Variants in SLC30A8 observed in about 807,000 individuals in gnomAD.
The protein encoded by SLC30A8 is proton-coupled zinc antiporter SLC30A8.
A neutral mutation model predicts 36.9 loss-of-function variants in SLC30A8; 27 were observed. That is an observed-to-expected ratio of 0.73 (90% CI 0.54 to 1.01). SLC30A8 has a LOEUF of 1.01. SLC30A8 is among the 50% of genes least tolerant of loss of function. SLC30A8 has a pLI of 0.00. For missense variants in SLC30A8, 439 were observed against 452.0 expected, an observed-to-expected ratio of 0.97 and a Z score of 0.26; for synonymous variants, 164 against 172.4, an observed-to-expected ratio of 0.95 and a Z score of 0.38.
Position 117,163,412 on chromosome 8 carries a change from T to G in SLC30A8, c.724-13T>G, listed in dbSNP as rs759693782. 21 of 1,585,362 alleles carry G rather than the reference T, an allele frequency of 1.3e-5. No homozygotes were observed. In the Admixed American group the frequency reaches 2.1e-4, roughly 16 times the overall value. Reference sequence around the variant, plus strand: ...TGAATTCAGTTAACCAAAATCCCTGTTTTTTTTTCTAGCCAGAGTATAAAA... The same window carrying G: ...TGAATTCAGTTAACCAAAATCCCTGGTTTTTTTTCTAGCCAGAGTATAAAA... On this transcript the variant is annotated splice_polypyrimidine_tract_variant and intron_variant, in intron 5 of 7. Coordinates refer to ENST00000456015, the MANE Select transcript of SLC30A8 (RefSeq NM_173851.3).
At chr8:116,956,081 G>A (rs1223349066) in intron 1 of SLC30A8, among the ~76,000 whole-genome samples, 2 of 152,190 alleles carry the variant, frequency 1.3e-5, no homozygotes, top group African/African-American at 4.8e-5. Context: ...ATGTACAGCA[G>A]CCCAGGATTA....
chr8:117,116,213 G>C (rs188285092), intron 2 of SLC30A8, among the ~76,000 whole-genome samples: 57 of 152,124 alleles, frequency 3.7e-4, no homozygotes, highest in Admixed American at 5.9e-4. Context: ...ATGGCAAGGC[G>C]TTTGAATTTT....
At chr8:117,147,994 CT>C (rs1048722149) in intron 2 of SLC30A8, among the ~76,000 whole-genome samples, 2 of 151,946 alleles carry the variant, frequency 1.3e-5, no homozygotes, top group African/African-American at 4.8e-5. Flanking sequence ...ATATTGATCT[CT>C]GGGAGCTCTT....
At chr8:117,100,201 A>G (rs562398747) in intron 2 of SLC30A8, among the ~76,000 whole-genome samples, 2 of 152,300 alleles carry the variant, frequency 1.3e-5, no homozygotes, top group Admixed American at 6.5e-5. Flanking sequence ...CATATATATC[A>G]TTTAGTATTT....
intron 1 of SLC30A8, among the ~76,000 whole-genome samples, chr8:117,012,806 A>G (rs1210370703): frequency 1.3e-5 from 2 of 151,192 alleles, no homozygotes; most frequent in Admixed American, 1.3e-4. Context: ...CAGTCAGCAT[A>G]TATTTCTTAT....
chr8:117,167,615 T>TTTATATTAGCACATACATAGATATACCC (rs1823131480), intron 6 of SLC30A8, among the ~76,000 whole-genome samples: 2 of 152,078 alleles, frequency 1.3e-5, no homozygotes, highest in Non-Finnish European at 1.5e-5. Context: ...TTGGAGATCT[T>TTTATATTAGCACATACATAGATATACCC]TTATATTAGC....
chr8:117,024,077 G>A (rs1315724375), intron 1 of SLC30A8, among the ~76,000 whole-genome samples: 1 of 152,134 alleles, frequency 6.6e-6, no homozygotes, highest in Non-Finnish European at 1.5e-5. Context: ...CCTTACTCAT[G>A]GTTGGATGTC....
chr8:117,078,539 GACATTCCTC>G, intron 2 of SLC30A8, among the ~76,000 whole-genome samples: 1 of 151,772 alleles, frequency 6.6e-6, no homozygotes, highest in African/African-American at 2.4e-5. Context: ...TTAAAACCAT[GACATTCCTC>G]TCTTACACTC....
chr8:116,957,537 C>T (rs1409213053), intron 1 of SLC30A8, among the ~76,000 whole-genome samples: 2 of 152,168 alleles, frequency 1.3e-5, no homozygotes, highest in African/African-American at 2.4e-5. Flanking sequence ...TCCCGAAGTG[C>T]TGGGATTACA....
chr8:117,111,622 T>C (rs1295033207), intron 2 of SLC30A8, among the ~76,000 whole-genome samples: 2 of 152,128 alleles, frequency 1.3e-5, no homozygotes, highest in East Asian at 3.9e-4. Flanking sequence ...TATGGGACTT[T>C]TTTTTTCTTT....
chr8:117,093,938 G>C (rs1232145706), intron 2 of SLC30A8, among the ~76,000 whole-genome samples: 1 of 152,250 alleles, frequency 6.6e-6, no homozygotes, highest in Non-Finnish European at 1.5e-5. Context: ...CTGGGGCAGG[G>C]TGGGCAGCTC....
rs190903116 is a variant in SLC30A8, at chr8:117,074,656, T to G, written c.-226+35398T>G. ...TGCTCGATATCTCCTTAAATGTAAT[T>G]AAAGGCACATCAGTTCAGTATGTCT... On this transcript the variant is annotated intron_variant, in intron 2 of 10. Transcript: ENST00000427715. Among the ~76,000 whole-genome samples the G allele has an allele frequency of 2.0e-5, 3 of 152,338 alleles. No individual in the cohort carries two copies. The East Asian group carries it at 5.8e-4, about 29-fold the overall frequency.
intron 1 of SLC30A8, among the ~76,000 whole-genome samples, chr8:116,957,375 CT>C (rs1207007999): frequency 6.6e-6 from 1 of 151,966 alleles, no homozygotes; most frequent in African/African-American, 2.4e-5. Context: ...GGTTCAAGCG[CT>C]TTTTCTGTCT....
intron 2 of SLC30A8, among the ~76,000 whole-genome samples, chr8:117,081,823 A>C (rs1021677313): frequency 2.0e-5 from 3 of 152,210 alleles, no homozygotes; most frequent in Admixed American, 6.5e-5. Context: ...GTGGCCAGCT[A>C]TCTGTTTGTG....
In SLC30A8 at chr8:117,054,348, G is replaced by T. The variant is rs370764055; in HGVS notation, c.-226+15090G>T. ...ACTGCTGGGTTCGAGCAATCCCCTT[G>T]TCTCAGCTTCTCAAAGTGCTGGGAT... On this transcript the variant is annotated intron_variant, in intron 2 of 10. Coordinates refer to the SLC30A8 transcript ENST00000427715. Among the ~76,000 whole-genome samples the T allele has an allele frequency of 2.4e-4, 37 of 152,190 alleles. No homozygotes were observed. The South Asian group carries it at 6.8e-3, about 28-fold the overall frequency.
intron 1 of SLC30A8, among the ~76,000 whole-genome samples, chr8:116,970,970 C>T (rs981058535): frequency 1.3e-5 from 2 of 152,086 alleles, no homozygotes; most frequent in African/African-American, 2.4e-5. Flanking sequence ...TGGTGCATGC[C>T]TGTAATCCCA....
At chr8:117,017,338 A>G (rs1256621802) in intron 1 of SLC30A8, among the ~76,000 whole-genome samples, 2 of 152,178 alleles carry the variant, frequency 1.3e-5, no homozygotes, top group African/African-American at 4.8e-5. Flanking sequence ...ACTTTGCTTC[A>G]GTTTCTGAAG....
At chr8:117,149,688 T>A (rs1822077007) in intron 2 of SLC30A8, among the ~76,000 whole-genome samples, 1 of 152,192 alleles carries the variant, frequency 6.6e-6, no homozygotes, top group South Asian at 2.1e-4. Context: ...ATCACACAGT[T>A]CAAACTCAAG....
intron 3 of SLC30A8, among the ~76,000 whole-genome samples, chr8:117,153,316 C>T (rs533999618): frequency 3.3e-5 from 5 of 152,194 alleles, no homozygotes; most frequent in Non-Finnish European, 7.3e-5. Context: ...AACAGGAACA[C>T]GTGTATCACT....
Sources: allele counts gnomAD v4.1 joint callset (sites outside exome capture counted in the v4.1 genomes callset), GRCh38; gene constraint gnomAD v4.1.1; transcripts MANE v1.5; gene names NCBI Gene and HGNC (gene_info 2026-07-23, HGNC 2026-07-21).